Variants in XYLT1 observed in about 807,000 individuals in gnomAD.
The protein encoded by XYLT1 is beta-D-xylosyltransferase 1.
In XYLT1, 36 loss-of-function variants were observed where a neutral mutation model predicts 91.3. That is an observed-to-expected ratio of 0.39 (90% CI 0.30 to 0.52). The LOEUF is 0.52. Ranked by LOEUF, XYLT1 falls within the 20% of genes least tolerant of loss-of-function variation. The pLI, the probability that XYLT1 is intolerant of heterozygous loss-of-function variation, is 0.68. For missense variants in XYLT1, 1,242 were observed against 1,284.5 expected (o/e 0.97, Z 0.51); for synonymous variants, 588 against 532.0 (o/e 1.11, Z -1.45).
rs898797616 is a variant in XYLT1 at position 17,253,857 on chromosome 16, A to AGC, written c.913+5130_913+5131insGC. On this transcript the variant is annotated intron_variant, in intron 3 of 11. Transcript: ENST00000261381. ...GAGAGAGAGAGAGAGAGAGAGAGAG[A>AGC]GAGAGCGAGCCTGCAGGTGGAAGAA... Among the ~76,000 whole-genome samples, 12 of 148,974 alleles carry AGC rather than the reference A, an allele frequency of 8.1e-5. No homozygotes were observed. The East Asian group carries it at 1.6e-3, about 19-fold the overall frequency.
At chr16:17,419,649 GACA>G (rs1320333628) in intron 1 of XYLT1, among the ~76,000 whole-genome samples, 2 of 152,160 alleles carry the variant, frequency 1.3e-5, no homozygotes, top group Non-Finnish European at 2.9e-5. Context: ...TTGCATTTTA[GACA>G]ACATCTTTCA....
chr16:17,231,644 A>T (rs1379120412), intron 3 of XYLT1, among the ~76,000 whole-genome samples: 1 of 152,212 alleles, frequency 6.6e-6, no homozygotes, highest in Non-Finnish European at 1.5e-5. Context: ...TACCTAGGTT[A>T]TATGCTCCTA....
rs1966722503 is a variant in XYLT1 at position 17,102,757 on chromosome 16, T to C, written c.*5938A>G. The C allele has an allele frequency of 1.1e-5, 1 of 89,264 alleles. No homozygotes were observed. The highest frequency in any genetic ancestry group is 1.1e-4 in the African/African-American group (1 of 9,064). 5.5% of individuals were successfully genotyped at this position (89,264 alleles called of 1,614,324 possible). The stretch of plus-strand genomic sequence containing the variant: ...TTTGAATTCTTTTTTTAAAACTTTA[T>C]TTACAGATTTTTTTTAAAATCAACA... On this transcript the variant is annotated 3_prime_UTR_variant, in exon 12 of 12. Transcript: ENST00000261381.
intron 5 of XYLT1, among the ~76,000 whole-genome samples, chr16:17,161,550 A>AT (rs748859978): frequency 1.3e-4 from 20 of 152,208 alleles, no homozygotes; most frequent in Non-Finnish European, 2.2e-4. Flanking sequence ...AATTTGGCTG[A>AT]GGACCAAATT....
At chr16:17,454,917 C>T (rs1409184773) in intron 1 of XYLT1, among the ~76,000 whole-genome samples, 3 of 99,428 alleles carry the variant, frequency 3.0e-5, no homozygotes, top group East Asian at 6.0e-4. Flanking sequence ...CCCCCCGCCC[C>T]CCCCCGCAAC....
At chr16:17,210,323 C>T (rs1383525836) in intron 3 of XYLT1, among the ~76,000 whole-genome samples, 1 of 152,036 alleles carries the variant, frequency 6.6e-6, no homozygotes, top group Non-Finnish European at 1.5e-5. Flanking sequence ...CATGGTGAAA[C>T]CCCGTTTCTA....
intron 3 of XYLT1, among the ~76,000 whole-genome samples, chr16:17,221,475 T>A (rs1278278723): frequency 1.3e-5 from 2 of 152,012 alleles, no homozygotes; most frequent in Admixed American, 1.3e-4. Flanking sequence ...ACTCAAGAGG[T>A]TATATAGCAT....
At chr16:17,456,013 C>T (rs557335191) in intron 1 of XYLT1, among the ~76,000 whole-genome samples, 1 of 152,260 alleles carries the variant, frequency 6.6e-6, no homozygotes, top group African/African-American at 2.4e-5. Flanking sequence ...TATTTTAATA[C>T]AAATCAGCAA....
At chr16:17,148,982 A>C (rs909036818) in intron 6 of XYLT1, among the ~76,000 whole-genome samples, 1 of 152,344 alleles carries the variant, frequency 6.6e-6, no homozygotes, top group South Asian at 2.1e-4. Flanking sequence ...GGGGCAGCTC[A>C]CCTTCCTGAT....
intron 1 of XYLT1, among the ~76,000 whole-genome samples, chr16:17,458,404 A>G (rs542617069): frequency 3.3e-5 from 5 of 152,330 alleles, no homozygotes; most frequent in African/African-American, 1.2e-4. Context: ...CAAAAGACGC[A>G]CATGAAATGT....
At chr16:17,468,128 C>A (rs937415962) in intron 1 of XYLT1, among the ~76,000 whole-genome samples, 3 of 152,130 alleles carry the variant, frequency 2.0e-5, no homozygotes, top group Admixed American at 2.0e-4. Context: ...CAGCCTGCCC[C>A]CTTCTGGTCT....
At chr16:17,274,867 T>C (rs534221884) in intron 2 of XYLT1, among the ~76,000 whole-genome samples, 3 of 152,262 alleles carry the variant, frequency 2.0e-5, no homozygotes, top group African/African-American at 4.8e-5. Flanking sequence ...ACACTTTATA[T>C]AGATTATCTT....
At chr16:17,215,542 T>C (rs1337165698) in intron 3 of XYLT1, among the ~76,000 whole-genome samples, 2 of 152,140 alleles carry the variant, frequency 1.3e-5, no homozygotes, top group African/African-American at 2.4e-5. Flanking sequence ...CTCAGATTCA[T>C]AGCTTCCAAA....
At chr16:17,349,697 G>C (rs2035193818) in intron 2 of XYLT1, among the ~76,000 whole-genome samples, 2 of 150,742 alleles carry the variant, frequency 1.3e-5, no homozygotes, top group South Asian at 4.2e-4. Context: ...ATAAGAGATA[G>C]TTGTGAAATG....
chr16:17,343,071 C>A (rs1486717334), intron 2 of XYLT1, among the ~76,000 whole-genome samples: 1 of 152,212 alleles, frequency 6.6e-6, no homozygotes, highest in Non-Finnish European at 1.5e-5. Flanking sequence ...CACGTAAACA[C>A]CTCACGGCCA....
At chr16:17,253,045 C>T (rs1041826438) in intron 3 of XYLT1, among the ~76,000 whole-genome samples, 7 of 152,210 alleles carry the variant, frequency 4.6e-5, no homozygotes, top group African/African-American at 7.2e-5. Context: ...AAGCTCAAAT[C>T]CCTCCTAAGC....
intron 2 of XYLT1, among the ~76,000 whole-genome samples, chr16:17,279,148 T>C (rs992921158): frequency 6.6e-6 from 1 of 152,148 alleles, no homozygotes; most frequent in Non-Finnish European, 1.5e-5. Flanking sequence ...CACAGCCCTC[T>C]CAAGAGGCAG....
intron 1 of XYLT1, among the ~76,000 whole-genome samples, chr16:17,411,324 T>C (rs574638430): frequency 8.1e-4 from 124 of 152,334 alleles, no homozygotes; most frequent in African/African-American, 2.8e-3. Flanking sequence ...AGTTTCTTCA[T>C]AAGCTGCCAT....
intron 1 of XYLT1, among the ~76,000 whole-genome samples, chr16:17,421,310 G>T (rs920173845): frequency 6.6e-6 from 1 of 152,202 alleles, no homozygotes; most frequent in African/African-American, 2.4e-5. Flanking sequence ...ATTTTCCAAA[G>T]ATGACCACAG....
Sources: gnomAD v4.1 joint callset for allele counts (sites outside exome capture counted in the v4.1 genomes callset) on GRCh38, gnomAD v4.1.1 for gene constraint, MANE v1.5 for transcripts, NCBI Gene and HGNC (gene_info 2026-07-23, HGNC 2026-07-21) for gene names.